SPECC1: variants seen among roughly 807,000 people sequenced by gnomAD.
SPECC1 encodes cytospin-B.
Under a neutral mutation model 104.1 loss-of-function variants are expected in SPECC1, and 62 were observed. The ratio of observed to expected loss-of-function variants is 0.60; its 90% CI spans 0.49 to 0.74. The LOEUF is 0.74. SPECC1 is among the 30% of genes least tolerant of loss of function. The probability of loss-of-function intolerance (pLI) is 0.00; values close to 1 mark genes in which losing one functional copy is unlikely to be tolerated. For missense variants in SPECC1, 1,306 were observed against 1,310.5 expected (o/e 1.00, Z 0.05); for synonymous variants, 513 against 501.6 (o/e 1.02, Z -0.30).
intron 3 of SPECC1, among the ~76,000 whole-genome samples, chr17:20,123,647 C>G (rs896202414): frequency 1.3e-5 from 2 of 152,206 alleles, no homozygotes; most frequent in Non-Finnish European, 2.9e-5. Context: ...GGTAGTGTTC[C>G]CAAATTCAAA....
chr17:20,213,627 TG>T (rs1475264610), intron 4 of SPECC1, among the ~76,000 whole-genome samples: 6 of 152,306 alleles, frequency 3.9e-5, no homozygotes, highest in African/African-American at 1.4e-4. Context: ...AATGTTATTT[TG>T]TTTGACCTCT....
chr17:20,096,867 C>T, intron 2 of SPECC1, 69 bp downstream of exon 2: 2 of 1,544,686 alleles, frequency 1.3e-6, no homozygotes, highest in Admixed American at 1.9e-5. Context: ...TTGAAGAGGG[C>T]AGTAAGCAAA....
In SPECC1 at chr17:20,112,610, G is replaced by C. The variant is rs541083016; in HGVS notation, c.283+2048G>C. 1.3e-4 allele frequency: 110 copies of C among 868,860 alleles called. 1 individual carries two copies. The African/African-American group carries it at 1.4e-3, about 11-fold the overall frequency. The allele number at this position is 868,860 out of a possible 1,614,324, so 53.8% of individuals were successfully genotyped here. A position where few individuals can be genotyped will look rare whatever the true frequency, so the allele number is the denominator to read the frequency against. On this transcript the variant is annotated intron_variant, in intron 3 of 14. Transcript: ENST00000395527. ...TTGCTGTGCAAATCTTAAACAAGCTGATCTCTCTGGATCAGTGCTTGACTG... is the reference window on the plus strand; with the variant it reads ...TTGCTGTGCAAATCTTAAACAAGCTCATCTCTCTGGATCAGTGCTTGACTG...
intron 3 of SPECC1, among the ~76,000 whole-genome samples, chr17:20,121,922 A>G (rs1476633079): frequency 3.9e-5 from 6 of 152,210 alleles, no homozygotes; most frequent in African/African-American, 1.2e-4. Flanking sequence ...TAATTCAACA[A>G]ATATCTTTGA....
At position 20,314,275 on chromosome 17, in the gene SPECC1, T is replaced by C. The variant is rs529842786; in HGVS notation, c.*210T>C. The C allele has an allele frequency of 1.5e-4, 89 of 585,494 alleles. No individual in the cohort carries two copies. Among genetic ancestry groups the C allele is most frequent in the Admixed American group, 2.3e-4 (8 of 35,550 alleles). The allele number at this position is 585,494 out of a possible 1,614,324, so 36.3% of individuals were successfully genotyped here. Reference sequence around the variant, plus strand: ...AATGCAAATGCAGCTGGACTGTAAATTGGGGACTCTTTGATCTCTTGTGGG... The same window carrying C: ...AATGCAAATGCAGCTGGACTGTAAACTGGGGACTCTTTGATCTCTTGTGGG... On this transcript the variant is annotated 3_prime_UTR_variant, in exon 15 of 15. Transcript: ENST00000395527.
At position 20,306,019 on chromosome 17, in the gene SPECC1, T is replaced by A. The variant is rs2041751878; in HGVS notation, c.3058-4T>A. ...ATTCCAGTCTCTTTGTCTTTTTAAC[T>A]TAGAAGAGGAATCTCTTGTTGGCAT... On this transcript the variant is annotated splice_polypyrimidine_tract_variant and splice_region_variant and intron_variant, in intron 13 of 14. Transcript: ENST00000395527. 1 of 1,613,596 alleles carries A rather than the reference T, an allele frequency of 6.2e-7. No individual in the cohort carries two copies. Among genetic ancestry groups the A allele is most frequent in the African/African-American group, 1.3e-5 (1 of 74,930 alleles).
rs139289440 is a variant in SPECC1, at chr17:20,132,990, C to T, written c.283+22428C>T. 3.0e-3 allele frequency among the ~76,000 whole-genome samples: 453 copies of T among 152,252 alleles called. 19 individuals carry two copies. In the East Asian group the frequency reaches 0.083, roughly 28 times the overall value. On this transcript the variant is annotated intron_variant, in intron 3 of 14. Transcript: ENST00000395527. ...TCCTGACCTCGTGATCCTGCCGCCTCGGCCTCCCGAAGTTCTGGGATTACA... is the reference window on the plus strand; with the variant it reads ...TCCTGACCTCGTGATCCTGCCGCCTTGGCCTCCCGAAGTTCTGGGATTACA...
Position 20,316,526 on chromosome 17 carries a change from C to T in SPECC1, c.*2461C>T, listed in dbSNP as rs1484353014. Reference sequence around the variant, plus strand: ...GGATTACAGGTGCCCATCACCACACCCAGCTAATGTTTTTGTATTTTTAGT... The same window carrying T: ...GGATTACAGGTGCCCATCACCACACTCAGCTAATGTTTTTGTATTTTTAGT... On this transcript the variant is annotated 3_prime_UTR_variant, in exon 15 of 15. Coordinates refer to ENST00000395527, the MANE Select transcript of SPECC1 (RefSeq NM_001243439.2). The T allele has an allele frequency of 5.3e-6, 1 of 187,398 alleles. No homozygotes were observed. Among genetic ancestry groups the T allele is most frequent in the Non-Finnish European group, 1.1e-5 (1 of 88,942 alleles). The allele number at this position is 187,398 out of a possible 1,614,324, so 11.6% of individuals were successfully genotyped here. A position where few individuals can be genotyped will look rare whatever the true frequency, so the allele number is the denominator to read the frequency against.
At chr17:20,155,817 G>A in intron 3 of SPECC1, 2 of 691,050 alleles carry the variant, frequency 2.9e-6, no homozygotes, top group Non-Finnish European at 3.7e-6. Flanking sequence ...CAGCCGGTCA[G>A]CCGGTGCGTC....
At chr17:20,241,476 G>A (rs1442637284) in intron 7 of SPECC1, among the ~76,000 whole-genome samples, 2 of 152,096 alleles carry the variant, frequency 1.3e-5, no homozygotes, top group Non-Finnish European at 2.9e-5. Flanking sequence ...ACATTAGTTG[G>A]GGTTTTCCCA....
At chr17:20,147,733 T>G (rs1325743637) in intron 3 of SPECC1, among the ~76,000 whole-genome samples, 1 of 152,190 alleles carries the variant, frequency 6.6e-6, no homozygotes, top group East Asian at 1.9e-4. Context: ...AGTTTAATCA[T>G]GTATTATTTA....
chr17:20,116,803 C>CTTTTTTTTTTTTTTTTTT (rs58127201), intron 3 of SPECC1, among the ~76,000 whole-genome samples: 1 of 50,424 alleles, frequency 2.0e-5, no homozygotes. Context: ...TGTCTGGAGA[C>CTTTTTTTTTTTTTTTTTT]TTTTTTTTTT....
intron 1 of SPECC1, among the ~76,000 whole-genome samples, chr17:20,069,113 A>G (rs903892377): frequency 6.6e-6 from 1 of 152,140 alleles, no homozygotes; most frequent in Admixed American, 6.6e-5. Flanking sequence ...CCCTCCTCCA[A>G]GCCTCCACCC....
intron 12 of SPECC1, among the ~76,000 whole-genome samples, chr17:20,290,563 G>A (rs1270608239): frequency 6.6e-6 from 1 of 152,042 alleles, no homozygotes; most frequent in Non-Finnish European, 1.5e-5. Flanking sequence ...TGCCCTGGCT[G>A]GAGTGTAGTG....
intron 12 of SPECC1, among the ~76,000 whole-genome samples, chr17:20,294,194 C>G (rs1236865816): frequency 6.6e-6 from 1 of 152,170 alleles, no homozygotes; most frequent in Admixed American, 6.5e-5. Flanking sequence ...GTTGGCTAAG[C>G]TGGTCTCAAA....
chr17:20,149,877 T>G (rs1461913529), intron 3 of SPECC1, among the ~76,000 whole-genome samples: 1 of 152,216 alleles, frequency 6.6e-6, no homozygotes, highest in Non-Finnish European at 1.5e-5. Flanking sequence ...AAATATATAA[T>G]GTACTTAGAA....
intron 1 of SPECC1, among the ~76,000 whole-genome samples, chr17:20,084,915 G>T (rs1262025489): frequency 6.6e-6 from 1 of 152,216 alleles, no homozygotes; most frequent in African/African-American, 2.4e-5. Context: ...GTCTTTGTCT[G>T]GTGTAAGGCC....
chr17:20,146,749 A>G (rs1234125427), intron 3 of SPECC1, among the ~76,000 whole-genome samples: 1 of 152,148 alleles, frequency 6.6e-6, no homozygotes, highest in East Asian at 1.9e-4. Flanking sequence ...TACTAAAAAT[A>G]CAAAAAATTA....
chr17:20,126,180 G>A (rs1017389224), intron 3 of SPECC1, among the ~76,000 whole-genome samples: 1 of 152,040 alleles, frequency 6.6e-6, no homozygotes, highest in Non-Finnish European at 1.5e-5. Flanking sequence ...CCTGAAGTTT[G>A]CTATTTCCTT....
Sources: allele counts gnomAD v4.1 joint callset (sites outside exome capture counted in the v4.1 genomes callset), GRCh38; gene constraint gnomAD v4.1.1; transcripts MANE v1.5; gene names NCBI Gene and HGNC (gene_info 2026-07-23, HGNC 2026-07-21).